The following GBE1 variants were observed in gnomAD, a reference collection of about 807,000 sequenced individuals.
GBE1 encodes 1,4-alpha-glucan branching enzyme 1, also known as 1,4-alpha-glucan-branching enzyme.
A neutral mutation model predicts 88.8 loss-of-function variants in GBE1; 70 were observed. That is an observed-to-expected ratio of 0.79 (90% CI 0.65 to 0.96). GBE1 has a LOEUF of 0.96. Ranked by LOEUF, GBE1 falls within the 40% of genes least tolerant of loss-of-function variation. The pLI is 0.00. For synonymous variants in GBE1, 284 were observed against 300.1 expected (o/e 0.95, Z 0.56); for missense variants, 872 against 871.0 (o/e 1.00, Z -0.01).
Position 81,547,099 on chromosome 3 carries a change from C to T in GBE1, c.1619-10004G>A, listed in dbSNP as rs531299142. Among the ~76,000 whole-genome samples, 189 of 151,368 alleles carry T rather than the reference C, an allele frequency of 1.2e-3. 3 individuals carry two copies. The highest frequency in any genetic ancestry group is 4.2e-3 in the African/African-American group (176 of 41,446). ...AAAATCACCTGCATGTACCAATTGG[C>T]GAACTTTCGGCACGTGGGGTGCATA... On this transcript the variant is annotated intron_variant, in intron 12 of 15. Coordinates refer to ENST00000429644, the MANE Select transcript of GBE1 (RefSeq NM_000158.4).
chr3:81,751,903 T>A (rs1706532751), intron 1 of GBE1, among the ~76,000 whole-genome samples: 1 of 152,340 alleles, frequency 6.6e-6, no homozygotes, highest in African/African-American at 2.4e-5. Flanking sequence ...GAAAACAGAT[T>A]GATGACACTG....
intron 7 of GBE1, among the ~76,000 whole-genome samples, chr3:81,624,361 A>G (rs1013626449): frequency 1.3e-5 from 2 of 152,200 alleles, no homozygotes; most frequent in African/African-American, 4.8e-5. Context: ...GGGTGAGGAC[A>G]CAAAGCCTAA....
Position 81,750,581 on chromosome 3 carries a change from ATATATACG to A in GBE1, c.143+10786_143+10793del, listed in dbSNP as rs1357204157. Among the ~76,000 whole-genome samples the A allele has an allele frequency of 7.3e-3, 429 of 58,540 alleles. 40 individuals are homozygous for A. The highest frequency in any genetic ancestry group is 0.023 in the African/African-American group (273 of 11,764). The allele number at this position is 58,540 out of a possible 152,430, so 38.4% of individuals were successfully genotyped here. A position where few individuals can be genotyped will look rare whatever the true frequency, so the allele number is the denominator to read the frequency against. ...TATATATGTATATATATATACGTAT[ATATATACG>A]TATATATATATGTGTATATATATAT... is the stretch of plus-strand genomic sequence containing the variant. On this transcript the variant is annotated intron_variant, in intron 1 of 15. Transcript: ENST00000429644.
At chr3:81,505,951 A>G (rs538757441) in intron 14 of GBE1, among the ~76,000 whole-genome samples, 106 of 152,270 alleles carry the variant, frequency 7.0e-4, no homozygotes, top group South Asian at 1.5e-3. Context: ...ACTTAAATCT[A>G]AAGCCAAAAC....
Position 81,618,200 on chromosome 3 carries a change from A to G in GBE1, c.993-24177T>C, listed in dbSNP as rs902616028. ...TATCTTAGTTTTCGTTCATCTGAGAATGTCTTAATTTGATCATCATTCTAG... is the reference window on the plus strand; with the variant it reads ...TATCTTAGTTTTCGTTCATCTGAGAGTGTCTTAATTTGATCATCATTCTAG... On this transcript the variant is annotated intron_variant, in intron 7 of 15. Coordinates refer to ENST00000429644, the MANE Select transcript of GBE1 (RefSeq NM_000158.4). 2.6e-5 allele frequency among the ~76,000 whole-genome samples: 4 copies of G among 152,064 alleles called. No homozygotes were observed. In the East Asian group the frequency reaches 7.7e-4, roughly 29 times the overall value.
intron 7 of GBE1, among the ~76,000 whole-genome samples, chr3:81,621,052 T>TA (rs1704325226): frequency 6.6e-6 from 1 of 152,156 alleles, no homozygotes; most frequent in Non-Finnish European, 1.5e-5. Flanking sequence ...TCTCAGTCTC[T>TA]ATCACTGTAA....
At chr3:81,621,017 G>A (rs1411022711) in intron 7 of GBE1, among the ~76,000 whole-genome samples, 1 of 152,130 alleles carries the variant, frequency 6.6e-6, no homozygotes, top group African/African-American at 2.4e-5. Flanking sequence ...AGGACCTCAC[G>A]GAGGCGGGCC....
chr3:81,511,446 G>A (rs760541205), intron 14 of GBE1, among the ~76,000 whole-genome samples: 1 of 151,892 alleles, frequency 6.6e-6, no homozygotes, highest in Non-Finnish European at 1.5e-5. Context: ...TTAATATCCA[G>A]AGTCTTATGG....
intron 12 of GBE1, among the ~76,000 whole-genome samples, chr3:81,539,803 G>T (rs563128526): frequency 1.3e-5 from 2 of 152,132 alleles, no homozygotes; most frequent in South Asian, 4.1e-4. Flanking sequence ...GGGGTAAGAA[G>T]ATAATGAGTT....
intron 14 of GBE1, among the ~76,000 whole-genome samples, chr3:81,533,164 C>T (rs754615115): frequency 4.6e-5 from 7 of 152,062 alleles, no homozygotes; most frequent in Non-Finnish European, 7.4e-5. Flanking sequence ...GATTATATTG[C>T]ACTACCAAGT....
intron 12 of GBE1, among the ~76,000 whole-genome samples, chr3:81,562,699 G>A (rs995140952): frequency 1.3e-5 from 2 of 152,016 alleles, no homozygotes; most frequent in African/African-American, 4.8e-5. Flanking sequence ...GTTGAGGCAA[G>A]TCATCTAAAT....
At chr3:81,722,252 A>AC (rs1706044481) in intron 1 of GBE1, among the ~76,000 whole-genome samples, 1 of 152,168 alleles carries the variant, frequency 6.6e-6, no homozygotes, top group Non-Finnish European at 1.5e-5. Flanking sequence ...TTGGATCTAC[A>AC]TTTAGTGACA....
intron 1 of GBE1, among the ~76,000 whole-genome samples, chr3:81,712,182 G>A (rs1040616389): frequency 3.9e-5 from 6 of 152,166 alleles, no homozygotes; most frequent in Non-Finnish European, 5.9e-5. Flanking sequence ...GGAGAAATAG[G>A]AACACTTTTA....
chr3:81,494,134 T>A (rs528266917), intron 15 of GBE1, among the ~76,000 whole-genome samples: 1 of 152,306 alleles, frequency 6.6e-6, no homozygotes, highest in African/African-American at 2.4e-5. Context: ...GTGTTTATAT[T>A]GCTCCAGAGC....
chr3:81,540,422 T>C (rs1703129192), intron 12 of GBE1, among the ~76,000 whole-genome samples: 1 of 152,040 alleles, frequency 6.6e-6, no homozygotes, highest in Admixed American at 6.6e-5. Context: ...AGACTTGGGT[T>C]TAAATCACAG....
intron 12 of GBE1, among the ~76,000 whole-genome samples, chr3:81,550,947 T>C (rs1251084671): frequency 6.6e-6 from 1 of 152,196 alleles, no homozygotes; most frequent in East Asian, 1.9e-4. Flanking sequence ...CTTTACTCTA[T>C]GGACTTTCTC....
chr3:81,685,089 G>T (rs1450270512), intron 2 of GBE1, among the ~76,000 whole-genome samples: 1 of 152,172 alleles, frequency 6.6e-6, no homozygotes, highest in East Asian at 1.9e-4. Context: ...GACACATAGA[G>T]TAAGAAAATA....
At chr3:81,637,153 T>G (rs1240044331) in intron 7 of GBE1, among the ~76,000 whole-genome samples, 1 of 152,070 alleles carries the variant, frequency 6.6e-6, no homozygotes, top group Admixed American at 6.6e-5. Context: ...GTAATAAAAT[T>G]TATGTGAATG....
intron 7 of GBE1, among the ~76,000 whole-genome samples, chr3:81,606,578 G>C (rs1704104860): frequency 6.6e-6 from 1 of 152,216 alleles, no homozygotes; most frequent in African/African-American, 2.4e-5. Context: ...CTAAGCACCA[G>C]CTATAGTGCC....
Sources: gnomAD v4.1 joint callset for allele counts (sites outside exome capture counted in the v4.1 genomes callset) on GRCh38, gnomAD v4.1.1 for gene constraint, MANE v1.5 for transcripts, NCBI Gene and HGNC (gene_info 2026-07-23, HGNC 2026-07-21) for gene names.